LRIG1: variants seen among roughly 807,000 people sequenced by gnomAD.
The protein encoded by LRIG1 is leucine-rich repeats and immunoglobulin-like domains protein 1.
A neutral mutation model predicts 99.2 loss-of-function variants in LRIG1; 48 were observed. The observed-to-expected ratio is 0.48, with a 90% confidence interval of 0.38 to 0.62. The LOEUF (loss-of-function observed/expected upper bound fraction) is 0.62, where lower values mean the gene tolerates loss of function less well. Among genes scored for constraint, LRIG1 ranks in the 20% least tolerant of loss-of-function variants. The pLI is 0.00. For synonymous variants in LRIG1, 772 were observed against 596.1 expected (o/e 1.29, Z -4.30); for missense variants, 1,646 against 1,434.4 (o/e 1.15, Z -2.38).
intron 3 of LRIG1, among the ~76,000 whole-genome samples, chr3:66,428,737 C>T (rs935494078): frequency 1.3e-5 from 2 of 152,220 alleles, no homozygotes; most frequent in African/African-American, 2.4e-5. Context: ...AAATTAAAAT[C>T]AAAATCATTT....
chr3:66,407,630 C>G, intron 7 of LRIG1, 139 bp from the exon 8 acceptor site: 1 of 823,090 alleles, frequency 1.2e-6, no homozygotes, highest in Non-Finnish European at 1.9e-6. Flanking sequence ...CGTGCACACA[C>G]ACACCCACAC....
At chr3:66,436,223 G>T (rs914041666) in intron 3 of LRIG1, among the ~76,000 whole-genome samples, 1 of 152,140 alleles carries the variant, frequency 6.6e-6, no homozygotes, top group African/African-American at 2.4e-5. Context: ...CGTGCCAGAC[G>T]TGCATGCCCA....
intron 4 of LRIG1, among the ~76,000 whole-genome samples, chr3:66,416,397 G>GT (rs1702614632): frequency 6.6e-6 from 1 of 152,192 alleles, no homozygotes; most frequent in Admixed American, 6.5e-5. Context: ...GCGTTCCAAA[G>GT]TTAACTCTGG....
chr3:66,432,282 C>T (rs776746098), intron 3 of LRIG1, among the ~76,000 whole-genome samples: 4 of 152,162 alleles, frequency 2.6e-5, no homozygotes, highest in Non-Finnish European at 5.9e-5. Flanking sequence ...CCTTTGTAGC[C>T]GGAGTCTGGA....
At chr3:66,413,490 G>A (rs1356845151) in intron 5 of LRIG1, among the ~76,000 whole-genome samples, 1 of 152,158 alleles carries the variant, frequency 6.6e-6, no homozygotes, top group African/African-American at 2.4e-5. Context: ...CTTTCCACTG[G>A]GGGCATTTCA....
intron 3 of LRIG1, among the ~76,000 whole-genome samples, chr3:66,422,785 A>G (rs1462340866): frequency 1.3e-5 from 2 of 152,252 alleles, no homozygotes; most frequent in Non-Finnish European, 2.9e-5. Flanking sequence ...CGCTGCTGAT[A>G]AAGACACAAA....
chr3:66,442,992 G>T (rs938768104), intron 3 of LRIG1, among the ~76,000 whole-genome samples: 1 of 152,124 alleles, frequency 6.6e-6, no homozygotes, highest in Non-Finnish European at 1.5e-5. Flanking sequence ...AAAGAAAAGA[G>T]AGAAGGAAAA....
intron 1 of LRIG1, among the ~76,000 whole-genome samples, chr3:66,471,765 G>A (rs1163698885): frequency 6.6e-6 from 1 of 152,146 alleles, no homozygotes; most frequent in Non-Finnish European, 1.5e-5. Context: ...GTAAAACTGA[G>A]AAAAAGGACA....
intron 3 of LRIG1, among the ~76,000 whole-genome samples, chr3:66,434,475 G>A (rs995066686): frequency 8.5e-5 from 13 of 152,148 alleles, no homozygotes; most frequent in African/African-American, 2.7e-4. Flanking sequence ...GGTCAGGCGC[G>A]GTAGCTCACA....
intron 1 of LRIG1, among the ~76,000 whole-genome samples, chr3:66,469,947 A>G (rs1203491992): frequency 1.3e-5 from 2 of 151,502 alleles, no homozygotes; most frequent in African/African-American, 2.4e-5. Context: ...CAAATAACAC[A>G]GCCAAAGGCT....
intron 7 of LRIG1, 57 bp from the exon 8 acceptor site, chr3:66,407,548 C>T: frequency 6.3e-7 from 1 of 1,595,208 alleles, no homozygotes. Context: ...CCCAACCCCA[C>T]CCCACCGGAA....
chr3:66,469,593 A>G (rs1244673444), intron 1 of LRIG1, among the ~76,000 whole-genome samples: 3 of 152,138 alleles, frequency 2.0e-5, no homozygotes, highest in Non-Finnish European at 4.4e-5. Context: ...TAGTTCACAC[A>G]TGTCATCCTG....
At chr3:66,427,030 C>G (rs1374915853) in intron 3 of LRIG1, among the ~76,000 whole-genome samples, 1 of 152,174 alleles carries the variant, frequency 6.6e-6, no homozygotes, top group African/African-American at 2.4e-5. Flanking sequence ...CCTGAACCTC[C>G]GGTTAGAAAA....
rs547858636 is a variant in LRIG1 at position 66,379,949 on chromosome 3, A to G, written c.*314T>C. On this transcript the variant is annotated 3_prime_UTR_variant, in exon 19 of 19. Transcript: ENST00000273261. The stretch of plus-strand genomic sequence containing the variant: ...TAAACAGCAACCTGATACGAAAAAT[A>G]ATATTGTCAAAATTGTATAATTTTT... 2.9e-4 allele frequency: 55 copies of G among 190,632 alleles called. No homozygotes were observed. The highest frequency in any genetic ancestry group is 5.2e-4 in the Non-Finnish European group (49 of 93,560). 11.8% of individuals were successfully genotyped at this position (190,632 alleles called of 1,614,324 possible). A position where few individuals can be genotyped will look rare whatever the true frequency, so the allele number is the denominator to read the frequency against.
chr3:66,499,472 G>A (rs1701304080), intron 1 of LRIG1, among the ~76,000 whole-genome samples: 1 of 152,186 alleles, frequency 6.6e-6, no homozygotes, highest in African/African-American at 2.4e-5. Flanking sequence ...CACACAGGAA[G>A]GGTCTGGAAC....
intron 1 of LRIG1, among the ~76,000 whole-genome samples, chr3:66,484,353 A>G (rs1700921002): frequency 6.6e-6 from 1 of 152,218 alleles, no homozygotes; most frequent in African/African-American, 2.4e-5. Flanking sequence ...TGGATTGGAA[A>G]CAAAGCCAGT....
intron 1 of LRIG1, among the ~76,000 whole-genome samples, chr3:66,467,299 T>C (rs1700494496): frequency 6.6e-6 from 1 of 152,284 alleles, no homozygotes; most frequent in South Asian, 2.1e-4. Context: ...TACATGTATA[T>C]TTAAATGAAA....
At chr3:66,384,796 C>T (rs1343693943) in intron 13 of LRIG1, among the ~76,000 whole-genome samples, 2 of 152,196 alleles carry the variant, frequency 1.3e-5, no homozygotes, top group East Asian at 3.9e-4. Flanking sequence ...AGGCAGGAAG[C>T]ATTCAGCTTG....
At chr3:66,384,523 G>T (rs1701265047) in intron 13 of LRIG1, among the ~76,000 whole-genome samples, 1 of 152,122 alleles carries the variant, frequency 6.6e-6, no homozygotes, top group African/African-American at 2.4e-5. Context: ...TCAAAGCAAA[G>T]GCTTTTACTC....
Sources: allele counts gnomAD v4.1 joint callset (sites outside exome capture counted in the v4.1 genomes callset), GRCh38; gene constraint gnomAD v4.1.1; transcripts MANE v1.5; gene names NCBI Gene and HGNC (gene_info 2026-07-23, HGNC 2026-07-21).